The following PURG variants were observed in gnomAD, a reference collection of about 807,000 sequenced individuals.
PURG encodes the protein purine-rich element-binding protein gamma.
In PURG, 3 loss-of-function variants were observed where a neutral mutation model predicts 24.3. That is an observed-to-expected ratio of 0.12 (90% CI 0.06 to 0.32). The LOEUF is 0.32. Ranked by LOEUF, PURG falls within the 10% of genes least tolerant of loss-of-function variation. The pLI is 1.00. For missense variants in PURG, 371 were observed against 439.1 expected, an observed-to-expected ratio of 0.84 and a Z score of 1.39; for synonymous variants, 180 against 173.1, an observed-to-expected ratio of 1.04 and a Z score of -0.31.
chr8:30,996,432 CA>C, exon 2 of PURG: 1 of 493,870 alleles, frequency 2.0e-6, no homozygotes, highest in East Asian at 3.2e-5. Context: ...GGAAATTATT[CA>C]ACATAAGATC....
intron 1 of PURG, among the ~76,000 whole-genome samples, chr8:31,009,065 T>C (rs1810713482): frequency 6.6e-6 from 1 of 152,210 alleles, no homozygotes; most frequent in Non-Finnish European, 1.5e-5. Flanking sequence ...ACTTTTATAT[T>C]TATAACTATA....
rs190042910 is a variant in PURG, at chr8:31,001,091, T to C, written c.865-4394A>G. On this transcript the variant is annotated intron_variant, in intron 1 of 1. Transcript: ENST00000339382. ...ATTCTTAATAGAAGCTGCAGATTTATAGAAACTTCATAGTATGTGTGATAT... is the reference window on the plus strand; with the variant it reads ...ATTCTTAATAGAAGCTGCAGATTTACAGAAACTTCATAGTATGTGTGATAT... Among the ~76,000 whole-genome samples, 351 of 152,342 alleles carry C rather than the reference T, an allele frequency of 2.3e-3. 1 individual carries two copies. The highest frequency in any genetic ancestry group is 0.014 in the Middle Eastern group (4 of 294).
intron 1 of PURG, among the ~76,000 whole-genome samples, chr8:31,023,828 C>T (rs905038307): frequency 2.0e-5 from 3 of 152,140 alleles, no homozygotes; most frequent in Non-Finnish European, 1.5e-5. Context: ...AAAAAGGAAT[C>T]GAAGACAGTA....
At position 31,032,667 on chromosome 8, in the gene PURG, T is replaced by A. The variant is rs747333028; in HGVS notation, c.116A>T (p.Tyr39Phe). Residue 39 changes from tyrosine to phenylalanine, a missense_variant, in exon 2 of 2, where the codon TAC becomes TTC. Coordinates refer to ENST00000523392, the MANE Select transcript of PURG (RefSeq NM_001323311.2). This position sits in a 1 kb window ranked among gnomAD's most constrained non-coding sequence, Gnocchi z 5.9. ...RLYPQAQHSH[Y>F]PHYAASATPN... is the part of the protein sequence containing the mutation. ...GGTGGCTGAGGCCGCGTAGTGGGGG[T>A]AGTGGGAGTGCTGGGCCTGGGGATA... 2 of 1,560,504 alleles carry A rather than the reference T, an allele frequency of 1.3e-6. No individual in the cohort carries two copies. Among genetic ancestry groups the A allele is most frequent in the East Asian group, 4.5e-5 (2 of 44,328 alleles).
At chr8:31,020,738 T>C (rs1338805670) in intron 1 of PURG, among the ~76,000 whole-genome samples, 1 of 152,232 alleles carries the variant, frequency 6.6e-6, no homozygotes, top group Non-Finnish European at 1.5e-5. Flanking sequence ...GTCTTCTTTC[T>C]ACCCAGATAC....
At chr8:31,020,879 T>C (rs989690544) in intron 1 of PURG, among the ~76,000 whole-genome samples, 2 of 152,188 alleles carry the variant, frequency 1.3e-5, no homozygotes, top group African/African-American at 4.8e-5. Flanking sequence ...TTAGGACTGT[T>C]AGAAATGCAT....
chr8:30,999,676 A>G (rs1448263537), intron 1 of PURG, among the ~76,000 whole-genome samples: 2 of 152,028 alleles, frequency 1.3e-5, no homozygotes, highest in African/African-American at 4.8e-5. Context: ...TCTAAAATGC[A>G]CAATGCTACT....
chr8:31,013,526 C>CAGG (rs1810801398), intron 1 of PURG, among the ~76,000 whole-genome samples: 1 of 152,080 alleles, frequency 6.6e-6, no homozygotes, highest in African/African-American at 2.4e-5. Context: ...TTACCTGAGG[C>CAGG]AGGAGTTCGA....
chr8:31,012,698 T>TG (rs1344762678), intron 1 of PURG, among the ~76,000 whole-genome samples: 10 of 152,214 alleles, frequency 6.6e-5, no homozygotes, highest in Admixed American at 6.5e-4. Context: ...ATAAGCAAGC[T>TG]GGGGTCCACA....
intron 1 of PURG, among the ~76,000 whole-genome samples, chr8:31,024,512 G>A (rs1007629279): frequency 5.3e-5 from 8 of 152,074 alleles, no homozygotes; most frequent in Non-Finnish European, 8.8e-5. Context: ...GTTGAGTTTT[G>A]AGAATGACTT....
intron 1 of PURG, among the ~76,000 whole-genome samples, chr8:30,997,442 T>G (rs1810450562): frequency 6.6e-6 from 1 of 151,748 alleles, no homozygotes; most frequent in Admixed American, 6.6e-5. Flanking sequence ...ACCAAACAAC[T>G]GACATGGAAT....
At chr8:31,023,392 T>C (rs1337407010) in intron 1 of PURG, among the ~76,000 whole-genome samples, 1 of 152,064 alleles carries the variant, frequency 6.6e-6, no homozygotes, top group Non-Finnish European at 1.5e-5. Flanking sequence ...GATAAACAAA[T>C]AGGCACTAAA....
intron 1 of PURG, among the ~76,000 whole-genome samples, chr8:31,006,341 TC>T (rs1296599684): frequency 6.6e-6 from 1 of 152,098 alleles, no homozygotes. Flanking sequence ...ACGGCTGTAA[TC>T]CCAGCACTTT....
rs1167842318 is a variant in PURG, at chr8:31,033,091, TCACCGCCGCCGCCGATGCCCTTCACGAC to T, written c.-48_-21del. On this transcript the variant is annotated 5_prime_UTR_variant, in exon 1 of 2. An upstream open reading frame in the 5' UTR loses its in-frame stop. Transcript: ENST00000523392. ...GCGGGCACTCACATCATCTCTGCCA[TCACCGCCGCCGCCGATGCCCTTCACGAC>T]CACCGCCGCCGCCACCGCCAGCTCT... 5 of 209,752 alleles carry T rather than the reference TCACCGCCGCCGCCGATGCCCTTCACGAC, an allele frequency of 2.4e-5. No homozygotes were observed. The highest frequency in any genetic ancestry group is 4.6e-5 in the Non-Finnish European group (5 of 108,528). 13.0% of individuals were successfully genotyped at this position (209,752 alleles called of 1,614,324 possible).
downstream of PURG, among the ~76,000 whole-genome samples, chr8:31,027,001 T>C (rs1182911325): frequency 6.6e-6 from 1 of 151,740 alleles, no homozygotes; most frequent in African/African-American, 2.4e-5. Flanking sequence ...TCACATGATA[T>C]TAAGTTGGGA....
intron 1 of PURG, among the ~76,000 whole-genome samples, chr8:31,015,289 A>G (rs1044506768): frequency 6.6e-6 from 1 of 152,170 alleles, no homozygotes; most frequent in African/African-American, 2.4e-5. Flanking sequence ...ATTACTGAAC[A>G]CTTAGAAATG....
At chr8:31,021,971 C>CTTTTT (rs1011753786) in intron 1 of PURG, among the ~76,000 whole-genome samples, 4 of 136,950 alleles carry the variant, frequency 2.9e-5, no homozygotes, top group Non-Finnish European at 3.2e-5. Flanking sequence ...TCATTTCTTT[C>CTTTTT]TTTTTTTTTT....
At chr8:31,007,763 G>A (rs933563398) in intron 1 of PURG, among the ~76,000 whole-genome samples, 1 of 152,148 alleles carries the variant, frequency 6.6e-6, no homozygotes, top group African/African-American at 2.4e-5. Flanking sequence ...CTAGGAAGTA[G>A]GTGAATGTAA....
downstream of PURG, among the ~76,000 whole-genome samples, chr8:31,030,112 G>A (rs562061692): frequency 8.6e-5 from 13 of 151,990 alleles, no homozygotes; most frequent in African/African-American, 3.1e-4. Flanking sequence ...ATACCATCAA[G>A]TTTTCTTAGT....
Sources: allele counts gnomAD v4.1 joint callset (sites outside exome capture counted in the v4.1 genomes callset), GRCh38; gene constraint gnomAD v4.1.1; non-coding constraint Gnocchi (gnomAD v3.1); transcripts MANE v1.5; gene names NCBI Gene and HGNC (gene_info 2026-07-23, HGNC 2026-07-21).